Variants in KCND2 observed in about 807,000 individuals in gnomAD.
The protein encoded by KCND2 is potassium voltage-gated channel subfamily D member 2.
KCND2 carries 16 observed loss-of-function variants against 54.4 expected under a neutral mutation model. The ratio of observed to expected loss-of-function variants is 0.29; its 90% confidence interval spans 0.20 to 0.45. The LOEUF (loss-of-function observed/expected upper bound fraction) is 0.45. Ranked by LOEUF, KCND2 falls within the 20% of genes least tolerant of loss-of-function variation. The pLI, the probability that KCND2 is intolerant of heterozygous loss-of-function variation, is 1.00. For synonymous variants in KCND2, 317 were observed against 310.7 expected, an observed-to-expected ratio of 1.02 and a Z score of -0.21; for missense variants, 486 against 824.2, an observed-to-expected ratio of 0.59 and a Z score of 5.02.
chr7:120,383,245 T>C (rs1800938102), intron 1 of KCND2, among the ~76,000 whole-genome samples: 1 of 151,958 alleles, frequency 6.6e-6, no homozygotes, highest in South Asian at 2.1e-4. Context: ...ATTGGCCAGA[T>C]TTTCTGTCTG....
At chr7:120,285,317 T>C (rs1799324034) in intron 1 of KCND2, among the ~76,000 whole-genome samples, 1 of 152,066 alleles carries the variant, frequency 6.6e-6, no homozygotes, top group Non-Finnish European at 1.5e-5. Context: ...ACAAGACTAG[T>C]TTACTTATTC....
chr7:120,436,365 GATAAA>G (rs538268416), intron 1 of KCND2, among the ~76,000 whole-genome samples: 112 of 152,282 alleles, frequency 7.4e-4, no homozygotes, highest in Non-Finnish European at 1.3e-3. Context: ...GGAAGTAGTA[GATAAA>G]ATAATTATCT....
intron 1 of KCND2, among the ~76,000 whole-genome samples, chr7:120,351,881 G>A (rs1800413389): frequency 6.6e-6 from 1 of 150,542 alleles, no homozygotes; most frequent in Admixed American, 6.7e-5. Context: ...CACGATCTCA[G>A]CTCACTGCAA....
intron 1 of KCND2, among the ~76,000 whole-genome samples, chr7:120,347,421 T>C (rs1800336346): frequency 6.6e-6 from 1 of 152,090 alleles, no homozygotes; most frequent in Non-Finnish European, 1.5e-5. Flanking sequence ...ATTAAGGAGC[T>C]AAGTAATCTC....
At chr7:120,596,418 G>A (rs943236565) in intron 1 of KCND2, among the ~76,000 whole-genome samples, 5 of 152,164 alleles carry the variant, frequency 3.3e-5, no homozygotes, top group African/African-American at 1.2e-4. Flanking sequence ...TGAGTTATAT[G>A]TTAAGGGTGA....
chr7:120,330,576 T>G (rs1266172544), intron 1 of KCND2, among the ~76,000 whole-genome samples: 8 of 85,606 alleles, frequency 9.3e-5, no homozygotes, highest in Non-Finnish European at 1.6e-4. Context: ...AGCAAAACTC[T>G]GTCTCAAAAA....
At chr7:120,595,160 C>T (rs1455134075) in intron 1 of KCND2, among the ~76,000 whole-genome samples, 2 of 151,906 alleles carry the variant, frequency 1.3e-5, no homozygotes, top group South Asian at 4.1e-4. Flanking sequence ...CTACTAAAAT[C>T]CATATGTAGG....
intron 1 of KCND2, among the ~76,000 whole-genome samples, chr7:120,424,567 T>G (rs1193513622): frequency 6.6e-6 from 1 of 152,174 alleles, no homozygotes; most frequent in Non-Finnish European, 1.5e-5. Flanking sequence ...AGAACAGATT[T>G]TGTAGGAAAA....
chr7:120,493,339 G>T (rs1437586852), intron 1 of KCND2, among the ~76,000 whole-genome samples: 1 of 151,662 alleles, frequency 6.6e-6, no homozygotes, highest in East Asian at 1.9e-4. Context: ...AGAATTTTTG[G>T]TAAAAGGAAC....
chr7:120,573,164 T>G (rs1230617252), intron 1 of KCND2, among the ~76,000 whole-genome samples: 1 of 152,176 alleles, frequency 6.6e-6, no homozygotes, highest in Non-Finnish European at 1.5e-5. Context: ...AAGATTTGAG[T>G]ATTTTCATCT....
chr7:120,279,861 A>T (rs1275759887), intron 1 of KCND2, among the ~76,000 whole-genome samples: 2 of 151,906 alleles, frequency 1.3e-5, no homozygotes, highest in African/African-American at 4.8e-5. Flanking sequence ...TATTAAAGAG[A>T]AGGATAAACT....
In KCND2 at chr7:120,675,888, C is replaced by T. The variant is rs1372398038; in HGVS notation, c.1116-57015C>T. On this transcript the variant is annotated intron_variant, in intron 1 of 5. Transcript: ENST00000331113. The stretch of plus-strand genomic sequence containing the variant: ...TTTTTTTTTTTTTGAGACAGAGTCT[C>T]GCCCTGTCTCCCAGGCTGGAGTACG... Among the ~76,000 whole-genome samples the T allele has an allele frequency of 3.5e-5, 5 of 144,192 alleles. No individual in the cohort carries two copies. The East Asian group carries it at 6.1e-4, about 17-fold the overall frequency. The allele number at this position is 144,192 out of a possible 152,430, so 94.6% of individuals were successfully genotyped here.
At chr7:120,656,584 T>G (rs1791806348) in intron 1 of KCND2, among the ~76,000 whole-genome samples, 2 of 152,318 alleles carry the variant, frequency 1.3e-5, no homozygotes, top group African/African-American at 4.8e-5. Flanking sequence ...ATGAAGTAAT[T>G]TTATACAATG....
chr7:120,355,633 G>C (rs1800492137), intron 1 of KCND2, among the ~76,000 whole-genome samples: 1 of 151,834 alleles, frequency 6.6e-6, no homozygotes, highest in African/African-American at 2.4e-5. Flanking sequence ...CATCATGAGA[G>C]AGTATTTTAC....
At chr7:120,467,529 G>T (rs1802389094) in intron 1 of KCND2, among the ~76,000 whole-genome samples, 1 of 151,950 alleles carries the variant, frequency 6.6e-6, no homozygotes. Context: ...AAACCATCTG[G>T]CAAGTCTACA....
intron 1 of KCND2, among the ~76,000 whole-genome samples, chr7:120,552,529 TAA>T (rs1792115580): frequency 6.6e-6 from 1 of 152,246 alleles, no homozygotes; most frequent in African/African-American, 2.4e-5. Context: ...GTTTTTGTGC[TAA>T]GTTTGATGAA....
intron 1 of KCND2, among the ~76,000 whole-genome samples, chr7:120,525,345 C>G (rs777855481): frequency 2.0e-5 from 3 of 152,172 alleles, no homozygotes; most frequent in African/African-American, 7.2e-5. Flanking sequence ...GGGCATGCAA[C>G]TTACCCGCTT....
chr7:120,554,334 T>G (rs1212498542), intron 1 of KCND2, among the ~76,000 whole-genome samples: 1 of 152,192 alleles, frequency 6.6e-6, no homozygotes, highest in Non-Finnish European at 1.5e-5. Context: ...CCTGGAGGGC[T>G]TCCTAACCAC....
chr7:120,394,498 G>C (rs1165895068), intron 1 of KCND2, among the ~76,000 whole-genome samples: 1 of 151,942 alleles, frequency 6.6e-6, no homozygotes, highest in Non-Finnish European at 1.5e-5. Flanking sequence ...TTACTGAGTA[G>C]AAAGGGATTA....
Sources: allele counts gnomAD v4.1 joint callset (sites outside exome capture counted in the v4.1 genomes callset), GRCh38; gene constraint gnomAD v4.1.1; transcripts MANE v1.5; gene names NCBI Gene and HGNC (gene_info 2026-07-23, HGNC 2026-07-21).